The following SLC25A33 variants were observed in gnomAD, a reference collection of about 807,000 sequenced individuals.
The protein encoded by SLC25A33 is solute carrier family 25 member 33.
SLC25A33 carries 15 observed loss-of-function variants against 35.5 expected under a neutral mutation model. The observed-to-expected ratio is 0.42, with a 90% CI of 0.28 to 0.65. The LOEUF (loss-of-function observed/expected upper bound fraction) is 0.65, where lower values mean the gene tolerates loss of function less well. SLC25A33 is among the 30% of genes least tolerant of loss of function. SLC25A33 has a pLI of 0.20. For synonymous variants in SLC25A33, 136 were observed against 148.7 expected, an observed-to-expected ratio of 0.91 and a Z score of 0.62; for missense variants, 257 against 398.5, an observed-to-expected ratio of 0.64 and a Z score of 3.02.
intron 1 of SLC25A33, among the ~76,000 whole-genome samples, chr1:9,544,267 T>G (rs567141850): frequency 7.9e-5 from 12 of 151,984 alleles, no homozygotes; most frequent in Admixed American, 3.3e-4. Context: ...ATGGTTAGTT[T>G]TTTTTTTTTT....
rs1214447397 is a variant in SLC25A33, at chr1:9,539,579, C to T, written c.-113C>T. ...AGCCCGCGCGCGCATGGAGGCGTTGCCGGCAGCCCCCTGAGGGCAGCGGGG... is the reference window on the plus strand; with the variant it reads ...AGCCCGCGCGCGCATGGAGGCGTTGTCGGCAGCCCCCTGAGGGCAGCGGGG... On this transcript the variant is annotated 5_prime_UTR_variant, in exon 1 of 7. Transcript: ENST00000302692. 1.4e-5 allele frequency: 11 copies of T among 806,432 alleles called. No individual in the cohort carries two copies. Among genetic ancestry groups the T allele is most frequent in the Non-Finnish European group, 1.8e-5 (11 of 610,178 alleles). The allele number at this position is 806,432 out of a possible 1,614,324, so 50.0% of individuals were successfully genotyped here.
At chr1:9,579,889 G>A in intron 5 of SLC25A33, 65 bp from the exon 6 acceptor site, 2 of 1,541,080 alleles carry the variant, frequency 1.3e-6, no homozygotes, top group South Asian at 2.5e-5. Context: ...TTCTCCTACT[G>A]TGTGATGTCT....
At position 9,578,868 on chromosome 1, in the gene SLC25A33, G is replaced by T. The variant is rs946611192; in HGVS notation, c.483-1086G>T. 1.5e-4 allele frequency among the ~76,000 whole-genome samples: 23 copies of T among 152,178 alleles called. No individual in the cohort carries two copies. Among genetic ancestry groups the T allele is most frequent in the African/African-American group, 5.6e-4 (23 of 41,434 alleles). ...TGACTTAATCTAGCAGATATACCGT[G>T]GTCAGCTATCTGGATTGTTGTCCTG... On this transcript the variant is annotated intron_variant, in intron 5 of 6. Transcript: ENST00000302692. This position sits in a 1 kb window ranked among gnomAD's most constrained non-coding sequence, Gnocchi z 4.3.
intron 1 of SLC25A33, among the ~76,000 whole-genome samples, chr1:9,540,290 G>A (rs1437000719): frequency 1.3e-5 from 2 of 152,202 alleles, no homozygotes; most frequent in Admixed American, 6.6e-5. Flanking sequence ...GCCACACGCG[G>A]GGTGGCTAAG....
chr1:9,582,620 C>A lies in SLC25A33; in HGVS notation c.*119C>A. 3.3e-6 allele frequency: 3 copies of A among 914,936 alleles called. No homozygotes were observed. The highest frequency in any genetic ancestry group is 1.8e-5 in the South Asian group (1 of 56,290). 56.7% of individuals were successfully genotyped at this position (914,936 alleles called of 1,614,324 possible). ...AGGAAAGGCCATAAAATATCTGGTT[C>A]ATATCACCTGTTGGACATTTCCTTT... On this transcript the variant is annotated 3_prime_UTR_variant, in exon 7 of 7. Transcript: ENST00000302692. The surrounding 1 kb of genome is among the most constrained non-coding windows in gnomAD (Gnocchi z 4.0).
intron 5 of SLC25A33, chr1:9,576,421 G>A (rs939676313): frequency 5.4e-6 from 2 of 368,850 alleles, no homozygotes; most frequent in Non-Finnish European, 1.1e-5. Flanking sequence ...CGTGTCTACT[G>A]TGAAAATGAA....
At chr1:9,557,281 T>C (rs1007800695) in intron 2 of SLC25A33, among the ~76,000 whole-genome samples, 1 of 152,238 alleles carries the variant, frequency 6.6e-6, no homozygotes, top group Non-Finnish European at 1.5e-5. Flanking sequence ...ATATAAACAA[T>C]GGCGTTAGTA....
At chr1:9,577,102 G>A (rs1569877472) in intron 5 of SLC25A33, 1 of 512,062 alleles carries the variant, frequency 2.0e-6, no homozygotes, top group Non-Finnish European at 3.5e-6. Flanking sequence ...ATAGCCAGGT[G>A]GGGGCGGCAG....
chr1:9,544,986 C>T (rs1442605329), intron 1 of SLC25A33, among the ~76,000 whole-genome samples: 2 of 152,050 alleles, frequency 1.3e-5, no homozygotes, highest in African/African-American at 4.8e-5. Flanking sequence ...TTTAAAATCC[C>T]AGTATATATT....
chr1:9,545,444 C>A (rs553490979), intron 1 of SLC25A33, among the ~76,000 whole-genome samples: 6 of 152,126 alleles, frequency 3.9e-5, no homozygotes, highest in Non-Finnish European at 5.9e-5. Flanking sequence ...GTCGCCCAGG[C>A]TGGAGTGCAG....
chr1:9,570,524 G>A (rs1643573984), intron 4 of SLC25A33, among the ~76,000 whole-genome samples, 166 bp downstream of exon 4: 1 of 151,996 alleles, frequency 6.6e-6, no homozygotes, highest in African/African-American at 2.4e-5. Flanking sequence ...AGAGCGGTTT[G>A]TAGCTTGATT....
chr1:9,581,866 T>C (rs1316839819), intron 6 of SLC25A33, among the ~76,000 whole-genome samples: 1 of 152,198 alleles, frequency 6.6e-6, no homozygotes, highest in African/African-American at 2.4e-5. Context: ...GACTTTCCTG[T>C]CCAAATACAG....
Position 9,567,663 on chromosome 1 carries a change from T to C in SLC25A33, c.314+302T>C, listed in dbSNP as rs560683312. On this transcript the variant is annotated intron_variant, in intron 3 of 6. Coordinates refer to ENST00000302692, the MANE Select transcript of SLC25A33 (RefSeq NM_032315.3). ...GGCATGTGGCCAGCAGCATTAGTAT[T>C]GTATGAGAGCTTGTTATAAACACAC... Among the ~76,000 whole-genome samples the C allele has an allele frequency of 4.6e-5, 7 of 152,336 alleles. No individual in the cohort carries two copies. The East Asian group carries it at 9.6e-4, about 21-fold the overall frequency.
chr1:9,555,192 A>T (rs957499153), intron 2 of SLC25A33, among the ~76,000 whole-genome samples: 2 of 132,094 alleles, frequency 1.5e-5, no homozygotes, highest in Non-Finnish European at 3.0e-5. Context: ...ATCTCCACTT[A>T]CTGCAAGCTC....
At chr1:9,573,507 GAT>G in intron 5 of SLC25A33, 95 bp downstream of exon 5, 1 of 996,854 alleles carries the variant, frequency 1.0e-6, no homozygotes, top group South Asian at 1.4e-5. Flanking sequence ...GAGATATAGA[GAT>G]GTACCCCCCT....
chr1:9,573,247 T>C lies in SLC25A33; in HGVS notation c.416-99T>C, dbSNP rs1350328900. ...TTCCTACTGTCTTTTTATTAGGCCA[T>C]TGAAATCCCTATTTCAAAGTTTATT... On this transcript the variant is annotated intron_variant, in intron 4 of 6. Transcript: ENST00000302692. The C allele has an allele frequency of 1.3e-5, 11 of 819,874 alleles. No individual in the cohort carries two copies. The East Asian group carries it at 2.1e-4, about 16-fold the overall frequency. The allele number at this position is 819,874 out of a possible 1,614,324, so 50.8% of individuals were successfully genotyped here.
chr1:9,570,386 G>A (rs1255126355), intron 4 of SLC25A33, 28 bp downstream of exon 4: 4 of 1,554,292 alleles, frequency 2.6e-6, no homozygotes, highest in Non-Finnish European at 2.7e-6. Context: ...GTGAAGAGAG[G>A]GTCTCTCTCT....
At chr1:9,558,490 T>C (rs1643376694) in intron 2 of SLC25A33, among the ~76,000 whole-genome samples, 1 of 152,236 alleles carries the variant, frequency 6.6e-6, no homozygotes, top group African/African-American at 2.4e-5. Context: ...TCCATCCGGC[T>C]GCCTGTTTGA....
intron 5 of SLC25A33, 76 bp downstream of exon 5, chr1:9,573,488 T>C (rs1174469335): frequency 8.3e-7 from 1 of 1,206,038 alleles, no homozygotes; most frequent in Non-Finnish European, 1.2e-6. Flanking sequence ...CCTCCACATC[T>C]CTAAGGATGA....
Sources: gnomAD v4.1 joint callset for allele counts (sites outside exome capture counted in the v4.1 genomes callset) on GRCh38, gnomAD v4.1.1 for gene constraint, Gnocchi (gnomAD v3.1) non-coding constraint, MANE v1.5 for transcripts, NCBI Gene and HGNC (gene_info 2026-07-23, HGNC 2026-07-21) for gene names.